PREX1: variants seen among roughly 807,000 people sequenced by gnomAD.
The protein encoded by PREX1 is phosphatidylinositol-3,4,5-trisphosphate dependent Rac exchange factor 1, also known as phosphatidylinositol 3,4,5-trisphosphate-dependent Rac exchanger 1 protein.
In PREX1, 41 loss-of-function variants were observed where a neutral mutation model predicts 198.3. That is an observed-to-expected ratio of 0.21 (90% CI 0.16 to 0.27). PREX1 has a LOEUF of 0.27. PREX1 is among the 10% of genes least tolerant of loss of function. PREX1 has a pLI of 1.00. For synonymous variants in PREX1, 843 were observed against 887.2 expected, an observed-to-expected ratio of 0.95 and a Z score of 0.89; for missense variants, 1,620 against 2,200.7, an observed-to-expected ratio of 0.74 and a Z score of 5.28.
chr20:48,712,219 T>C (rs1458828683), intron 5 of PREX1, among the ~76,000 whole-genome samples: 1 of 152,194 alleles, frequency 6.6e-6, no homozygotes, highest in Non-Finnish European at 1.5e-5. Flanking sequence ...CAGGTGCTTT[T>C]ACTATCCCCA....
intron 1 of PREX1, among the ~76,000 whole-genome samples, chr20:48,802,993 C>T (rs2090394427): frequency 6.6e-6 from 1 of 152,196 alleles, no homozygotes; most frequent in African/African-American, 2.4e-5. Flanking sequence ...GTGGCATCAG[C>T]GTCTCATCTC....
In PREX1 at chr20:48,827,289, G is replaced by A. The variant is rs2090513476; in HGVS notation, c.219+353C>T. 1.3e-5 allele frequency among the ~76,000 whole-genome samples: 2 copies of A among 152,388 alleles called. No homozygotes were observed. Among genetic ancestry groups the A allele is most frequent in the South Asian group, 2.1e-4 (1 of 4,828 alleles). On this transcript the variant is annotated intron_variant, in intron 1 of 39. Coordinates refer to ENST00000371941, the MANE Select transcript of PREX1 (RefSeq NM_020820.4). The surrounding 1 kb of genome is among the most constrained non-coding windows in gnomAD (Gnocchi z 4.1). ...AGTTATTCCTGGGAAAAAGACGCAG[G>A]AGCGCCAGCTCCCGGCGCCGCCGGG... is the stretch of plus-strand genomic sequence containing the variant.
intron 15 of PREX1, among the ~76,000 whole-genome samples, chr20:48,662,576 C>T (rs1486797457): frequency 6.6e-6 from 1 of 152,172 alleles, no homozygotes; most frequent in East Asian, 1.9e-4. Context: ...CCATATGTGC[C>T]TAAAGCAAGA....
Position 48,635,410 on chromosome 20 carries a change from A to G in PREX1, c.4168-635T>C, listed in dbSNP as rs188348091. Among the ~76,000 whole-genome samples the G allele has an allele frequency of 6.6e-3, 1,009 of 152,182 alleles. 11 individuals carry two copies. The highest frequency in any genetic ancestry group is 0.023 in the African/African-American group (966 of 41,482). On this transcript the variant is annotated intron_variant, in intron 32 of 39. Coordinates refer to ENST00000371941, the MANE Select transcript of PREX1 (RefSeq NM_020820.4). ...ATGTTTTGAAAACTTAACCCAAATT[A>G]TATCACTCACCCAGCTCCAAGCCTC...
chr20:48,880,393 TC>T, the PREX1 span, among the ~76,000 whole-genome samples: 4 of 152,224 alleles, frequency 2.6e-5, no homozygotes, highest in East Asian at 7.7e-4. Context: ...ACAAATGAAA[TC>T]TAGAGAGAGG....
At chr20:48,765,635 C>T (rs2090204786) in intron 1 of PREX1, among the ~76,000 whole-genome samples, 1 of 152,194 alleles carries the variant, frequency 6.6e-6, no homozygotes, top group Non-Finnish European at 1.5e-5. Context: ...AGGAGGAGGA[C>T]GGAGCCAGAC....
At chr20:48,753,817 G>A (rs952905425) in intron 1 of PREX1, among the ~76,000 whole-genome samples, 31 of 152,254 alleles carry the variant, frequency 2.0e-4, no homozygotes, top group African/African-American at 7.0e-4. Flanking sequence ...TCCTCTCACA[G>A]GCCACCCCTG....
In PREX1 at chr20:48,627,424, C is replaced by T. The variant is rs1172532563; in HGVS notation, c.4937+124G>A. 3.7e-6 allele frequency: 4 copies of T among 1,093,812 alleles called. No homozygotes were observed. The South Asian group carries it at 4.0e-5, about 11-fold the overall frequency. The allele number at this position is 1,093,812 out of a possible 1,614,324, so 67.8% of individuals were successfully genotyped here. A position where few individuals can be genotyped will look rare whatever the true frequency, so the allele number is the denominator to read the frequency against. ...TGTCTGTTGCTCCTCAAAGAGGTTCCCCATAAATGAGAGGGGAAGCCCCAT... is the reference window on the plus strand; with the variant it reads ...TGTCTGTTGCTCCTCAAAGAGGTTCTCCATAAATGAGAGGGGAAGCCCCAT... On this transcript the variant is annotated intron_variant, in intron 39 of 39. Coordinates refer to ENST00000371941, the MANE Select transcript of PREX1 (RefSeq NM_020820.4).
intron 1 of PREX1, among the ~76,000 whole-genome samples, chr20:48,817,276 A>G (rs1313090710): frequency 6.6e-6 from 1 of 152,242 alleles, no homozygotes; most frequent in East Asian, 1.9e-4. Flanking sequence ...AACTGCCTTC[A>G]GAGTGCACAG....
chr20:48,707,104 G>C (rs376978770), intron 6 of PREX1, among the ~76,000 whole-genome samples: 1 of 152,216 alleles, frequency 6.6e-6, no homozygotes, highest in Admixed American at 6.5e-5. Flanking sequence ...TGACGCACAG[G>C]AAGCTGGCGC....
chr20:48,627,277 C>T (rs1314816318), intron 39 of PREX1, among the ~76,000 whole-genome samples: 2 of 151,186 alleles, frequency 1.3e-5, no homozygotes, highest in Non-Finnish European at 2.9e-5. Flanking sequence ...GCTGAGAGGG[C>T]ATGGGGCTGA....
chr20:48,755,670 G>C (rs1006613241), intron 1 of PREX1, among the ~76,000 whole-genome samples: 2 of 152,204 alleles, frequency 1.3e-5, no homozygotes, highest in African/African-American at 4.8e-5. Flanking sequence ...TATGTTCCTA[G>C]TGATGGTACA....
At chr20:48,783,430 C>G (rs1238723501) in intron 1 of PREX1, among the ~76,000 whole-genome samples, 1 of 152,066 alleles carries the variant, frequency 6.6e-6, no homozygotes, top group South Asian at 2.1e-4. Context: ...TGGTTCAGCA[C>G]ATGTGTAGTT....
intron 1 of PREX1, among the ~76,000 whole-genome samples, chr20:48,811,959 G>A (rs1018148868): frequency 6.6e-6 from 1 of 152,200 alleles, no homozygotes; most frequent in African/African-American, 2.4e-5. Flanking sequence ...ACCCACTTGG[G>A]ATCCCCAGGC....
intron 3 of PREX1, among the ~76,000 whole-genome samples, chr20:48,736,133 G>A (rs1463143439): frequency 3.3e-5 from 5 of 152,018 alleles, no homozygotes; most frequent in South Asian, 2.1e-4. Flanking sequence ...TGAGTAGAAC[G>A]GTGTCTGGCA....
At chr20:48,661,025 T>C (rs2089586592) in intron 15 of PREX1, among the ~76,000 whole-genome samples, 1 of 152,220 alleles carries the variant, frequency 6.6e-6, no homozygotes, top group African/African-American at 2.4e-5. Flanking sequence ...TTGTATTATC[T>C]GTGGCTGCTT....
Position 48,691,240 on chromosome 20 carries a change from G to T in PREX1, c.1037-144C>A. 9.8e-7 allele frequency: 1 copy of T among 1,017,904 alleles called. No homozygotes were observed. Among genetic ancestry groups the T allele is most frequent in the Non-Finnish European group, 1.5e-6 (1 of 682,294 alleles). The allele number at this position is 1,017,904 out of a possible 1,614,324, so 63.1% of individuals were successfully genotyped here. A position where few individuals can be genotyped will look rare whatever the true frequency, so the allele number is the denominator to read the frequency against. On this transcript the variant is annotated intron_variant, in intron 8 of 39. Coordinates refer to ENST00000371941, the MANE Select transcript of PREX1 (RefSeq NM_020820.4). This position sits in a 1 kb window ranked among gnomAD's most constrained non-coding sequence, Gnocchi z 5.0. ...GAGCTGGACTTCCAGCCCTTCAAAC[G>T]CTCACTTCTTATCCTTTTCCAGTGG... is the stretch of plus-strand genomic sequence containing the variant.
intron 1 of PREX1, among the ~76,000 whole-genome samples, chr20:48,810,604 A>G (rs890188414): frequency 6.9e-6 from 1 of 145,230 alleles, no homozygotes; most frequent in Non-Finnish European, 1.5e-5. Context: ...AAAAAAAAAA[A>G]GGCAGGGCAC....
chr20:48,736,425 T>C (rs1799502505), intron 3 of PREX1, among the ~76,000 whole-genome samples: 2 of 152,198 alleles, frequency 1.3e-5, no homozygotes, highest in Non-Finnish European at 2.9e-5. Flanking sequence ...CATGGACACA[T>C]GCACTGAGTC....
Sources: gnomAD v4.1 joint callset for allele counts (sites outside exome capture counted in the v4.1 genomes callset) on GRCh38, gnomAD v4.1.1 for gene constraint, Gnocchi (gnomAD v3.1) non-coding constraint, MANE v1.5 for transcripts, NCBI Gene and HGNC (gene_info 2026-07-23, HGNC 2026-07-21) for gene names.